KCNN2: variants seen among roughly 807,000 people sequenced by gnomAD.
KCNN2 encodes potassium calcium-activated channel subfamily N member 2, also known as small conductance calcium-activated potassium channel protein 2.
KCNN2 carries 24 observed loss-of-function variants against 55.5 expected under a neutral mutation model. The ratio of observed to expected loss-of-function variants is 0.43; its 90% confidence interval spans 0.31 to 0.61. KCNN2 has a LOEUF of 0.61. Ranked by LOEUF, KCNN2 falls within the 20% of genes least tolerant of loss-of-function variation. KCNN2 has a pLI of 0.08. For missense variants in KCNN2, 754 were observed against 853.6 expected (o/e 0.88, Z 1.45); for synonymous variants, 431 against 336.1 (o/e 1.28, Z -3.09).
chr5:114,237,256 TCACACACACACACACACA>T (rs10643853), intron 2 of KCNN2, among the ~76,000 whole-genome samples: 1 of 138,510 alleles, frequency 7.2e-6, no homozygotes. Flanking sequence ...TTGTCAAAAT[TCACACACACACACACACA>T]CACACACACA....
intron 2 of KCNN2, among the ~76,000 whole-genome samples, chr5:114,316,562 C>A (rs1394327567): frequency 1.3e-5 from 2 of 152,158 alleles, no homozygotes; most frequent in African/African-American, 4.8e-5. Context: ...GTAGGAATTG[C>A]TGAATAATAG....
At chr5:114,235,295 A>G (rs1249376629) in intron 2 of KCNN2, among the ~76,000 whole-genome samples, 2 of 152,198 alleles carry the variant, frequency 1.3e-5, no homozygotes, top group East Asian at 1.9e-4. Flanking sequence ...GTTTCATTAT[A>G]AAACATTTGA....
At chr5:114,065,611 C>G (rs1750428465) in intron 1 of KCNN2, among the ~76,000 whole-genome samples, 1 of 152,052 alleles carries the variant, frequency 6.6e-6, no homozygotes, top group South Asian at 2.1e-4. Flanking sequence ...TGGTCTTTTC[C>G]CTTCTGATAA....
chr5:114,468,675 T>C (rs1272295260), intron 4 of KCNN2, among the ~76,000 whole-genome samples: 1 of 152,174 alleles, frequency 6.6e-6, no homozygotes, highest in African/African-American at 2.4e-5. Context: ...ATCAGAGCCA[T>C]TCTCTGTAGC....
chr5:114,395,838 C>A (rs1758598140), intron 2 of KCNN2, among the ~76,000 whole-genome samples: 1 of 152,142 alleles, frequency 6.6e-6, no homozygotes, highest in Non-Finnish European at 1.5e-5. Flanking sequence ...TCCTGACCTT[C>A]CAAATGCCCT....
intron 2 of KCNN2, among the ~76,000 whole-genome samples, chr5:114,267,544 C>T (rs191928510): frequency 1.1e-3 from 160 of 152,052 alleles, no homozygotes; most frequent in Middle Eastern, 3.4e-3. Context: ...GTGGTTGACC[C>T]CTGAATTTGG....
At chr5:114,163,492 T>C (rs10036987) in intron 1 of KCNN2, among the ~76,000 whole-genome samples, 132,596 of 152,246 alleles carry the variant, frequency 0.87, 57,879 homozygotes, top group East Asian at 0.94. Context: ...GAATTTTTAA[T>C]GTGAATGGAT....
chr5:114,355,789 T>A (rs772862603), intron 2 of KCNN2, among the ~76,000 whole-genome samples: 7 of 152,146 alleles, frequency 4.6e-5, no homozygotes, highest in Non-Finnish European at 7.4e-5. Flanking sequence ...CCAGTGTCAA[T>A]ATTACCAAAA....
At chr5:114,187,522 TTG>T (rs1554073657) in intron 1 of KCNN2, among the ~76,000 whole-genome samples, 1 of 150,908 alleles carries the variant, frequency 6.6e-6, no homozygotes. Context: ...TTTTTTTTTT[TTG>T]AGCGGAAGTC....
chr5:114,266,061 A>T (rs1755203246), intron 2 of KCNN2, among the ~76,000 whole-genome samples: 1 of 152,152 alleles, frequency 6.6e-6, no homozygotes, highest in Non-Finnish European at 1.5e-5. Context: ...TTTTTAATAA[A>T]TTCTATTTTT....
chr5:114,444,275 AC>A (rs1359914259), intron 3 of KCNN2, among the ~76,000 whole-genome samples: 3 of 152,126 alleles, frequency 2.0e-5, no homozygotes, highest in Non-Finnish European at 4.4e-5. Flanking sequence ...GGTGCCATGG[AC>A]CATACAGCAA....
chr5:114,259,246 C>G (rs183890448), intron 2 of KCNN2, among the ~76,000 whole-genome samples: 11 of 152,328 alleles, frequency 7.2e-5, no homozygotes, highest in Admixed American at 6.5e-4. Flanking sequence ...ACTCTCCCTT[C>G]CCTTAGGAAC....
chr5:114,161,077 T>C (rs1248941513), intron 1 of KCNN2, among the ~76,000 whole-genome samples: 1 of 152,230 alleles, frequency 6.6e-6, no homozygotes, highest in Admixed American at 6.5e-5. Context: ...TGCTCGTTAG[T>C]TGATGCAGTT....
intron 2 of KCNN2, among the ~76,000 whole-genome samples, chr5:114,254,578 A>G (rs1561542268): frequency 6.6e-6 from 1 of 152,190 alleles, no homozygotes; most frequent in Admixed American, 6.5e-5. Context: ...GCAGAATAGG[A>G]CTTATAAAAA....
At chr5:114,167,538 G>A (rs1752940130) in intron 1 of KCNN2, among the ~76,000 whole-genome samples, 1 of 152,002 alleles carries the variant, frequency 6.6e-6, no homozygotes, top group East Asian at 1.9e-4. Flanking sequence ...TAGAAGAGTA[G>A]TTTATCCTAC....
At chr5:114,337,108 C>T (rs1032369852) in intron 2 of KCNN2, among the ~76,000 whole-genome samples, 11 of 152,006 alleles carry the variant, frequency 7.2e-5, no homozygotes, top group African/African-American at 2.7e-4. Flanking sequence ...GAAGTTGTTG[C>T]AGTCATCAAA....
At chr5:114,285,617 T>G (rs1755728378) in intron 2 of KCNN2, among the ~76,000 whole-genome samples, 1 of 152,192 alleles carries the variant, frequency 6.6e-6, no homozygotes, top group Admixed American at 6.5e-5. Context: ...TAAAATTTTA[T>G]TTTTATTCAA....
chr5:114,471,677 A>G (rs1384517284), intron 4 of KCNN2, among the ~76,000 whole-genome samples: 4 of 152,150 alleles, frequency 2.6e-5, no homozygotes, highest in Admixed American at 6.6e-5. Flanking sequence ...ATACTTGGCA[A>G]CCTCTTTCTC....
At chr5:114,270,429 G>C (rs1755304192) in intron 2 of KCNN2, among the ~76,000 whole-genome samples, 1 of 152,032 alleles carries the variant, frequency 6.6e-6, no homozygotes, top group South Asian at 2.1e-4. Flanking sequence ...TAATACTGAA[G>C]ATTGTGATAT....
Sources: gnomAD v4.1 joint callset for allele counts (sites outside exome capture counted in the v4.1 genomes callset) on GRCh38, gnomAD v4.1.1 for gene constraint, MANE v1.5 for transcripts, NCBI Gene and HGNC (gene_info 2026-07-23, HGNC 2026-07-21) for gene names.